Variants in CPT2 observed in about 807,000 individuals in gnomAD.
CPT2 encodes carnitine palmitoyltransferase 2.
In CPT2, 37 loss-of-function variants were observed where a neutral mutation model predicts 48.6. That is an observed-to-expected ratio of 0.76 (90% confidence interval 0.59 to 1.00). The LOEUF (loss-of-function observed/expected upper bound fraction) is 1.00. Among genes scored for constraint, CPT2 ranks in the 50% least tolerant of loss-of-function variants. The pLI is 0.00. For missense variants in CPT2, 772 were observed against 825.6 expected (o/e 0.94, Z 0.80); for synonymous variants, 319 against 326.9 (o/e 0.98, Z 0.26).
At chr1:53,199,739 T>G (rs767140348) in intron 1 of CPT2, 39 of 152,212 alleles carry the variant, frequency 2.6e-4, no homozygotes, top group Non-Finnish European at 2.5e-4. Flanking sequence ...CTTAGTGCAG[T>G]CTAAGTCCAT....
At chr1:53,197,193 C>A in intron 1 of CPT2, 98 bp downstream of exon 1, 1 of 1,431,514 alleles carries the variant, frequency 7.0e-7, no homozygotes, top group Non-Finnish European at 9.5e-7. Context: ...AACCCGTTTC[C>A]GCCCCCAAGC....
intron 2 of CPT2, chr1:53,202,067 C>A (rs1645357129): frequency 4.6e-6 from 2 of 437,658 alleles, no homozygotes; most frequent in East Asian, 4.8e-5. Context: ...TTTCTCCATG[C>A]CAAACTGCCT....
chr1:53,198,793 A>G (rs965197602), intron 1 of CPT2, among the ~76,000 whole-genome samples: 16 of 152,256 alleles, frequency 1.1e-4, no homozygotes, highest in African/African-American at 3.6e-4. Context: ...AAATAGTACC[A>G]CTAGTCACCT....
chr1:53,196,973 G>T lies in CPT2; in HGVS notation c.30G>T (p.Trp10Cys), dbSNP rs947016530. ...TGCCCCGCCTGCTGCTGCGCGCCTG[G>T]CCCCGGGGCCCCGCGGTTGGTCCGG... MVPRLLLRA[W>C]PRGPAVGPGA... is the part of the protein sequence containing the mutation. The change falls in exon 1 of 5, where the codon TGG becomes TGT. Residue 10 changes from tryptophan to cysteine, a missense_variant. Transcript: ENST00000371486. The T allele has an allele frequency of 3.9e-6, 6 of 1,527,666 alleles. No homozygotes were observed. The highest frequency in any genetic ancestry group is 5.2e-6 in the Non-Finnish European group (6 of 1,144,076). The allele number at this position is 1,527,666 out of a possible 1,614,324, so 94.6% of individuals were successfully genotyped here.
intron 4 of CPT2, among the ~76,000 whole-genome samples, chr1:53,212,602 T>C (rs747289410): frequency 6.6e-6 from 1 of 152,256 alleles, no homozygotes; most frequent in Non-Finnish European, 1.5e-5. Context: ...GTCTGCTCTC[T>C]GTAAACAGGT....
intron 3 of CPT2, among the ~76,000 whole-genome samples, chr1:53,206,182 C>CAAA (rs951448638): frequency 5.1e-5 from 3 of 58,910 alleles, no homozygotes; most frequent in Non-Finnish European, 7.3e-5. Context: ...GACTCCATTT[C>CAAA]AAAAAAAAAA....
chr1:53,210,897 C>G lies in CPT2; in HGVS notation c.1223C>G (p.Ser408Cys), dbSNP rs771811692. The G allele has an allele frequency of 6.2e-7, 1 of 1,614,232 alleles. No individual in the cohort carries two copies. Among genetic ancestry groups the G allele is most frequent in the Non-Finnish European group, 8.5e-7 (1 of 1,180,044 alleles). Reference sequence around the variant, plus strand: ...CAGAGCCAGCCAGCTACCACTGACTCTACTGTCACGGTGCAGAAACTCAAC... The same window carrying G: ...CAGAGCCAGCCAGCTACCACTGACTGTACTGTCACGGTGCAGAAACTCAAC... ...TPQSQPATTD[S>C]TVTVQKLNFE... The change falls in exon 4 of 5, where the codon TCT becomes TGT. Residue 408 changes from serine to cysteine, a missense_variant. Ser to Cys is a moderately radical substitution (Grantham distance 112). Coordinates refer to ENST00000371486, the MANE Select transcript of CPT2 (RefSeq NM_000098.3).
chr1:53,196,857 T>C lies in CPT2; in HGVS notation c.-87T>C. 2.0e-6 allele frequency: 3 copies of C among 1,495,728 alleles called. No individual in the cohort carries two copies. In the East Asian group the frequency reaches 7.6e-5, roughly 38 times the overall value. The allele number at this position is 1,495,728 out of a possible 1,614,324, so 92.7% of individuals were successfully genotyped here. The stretch of plus-strand genomic sequence containing the variant: ...GCCTCAGGAGTCCTGACGCAGTGTC[T>C]TGGGCGCTAACGGCGGCGGCGGCCT... On this transcript the variant is annotated 5_prime_UTR_variant, in exon 1 of 5. Transcript: ENST00000371486.
chr1:53,210,366 G>A lies in CPT2; in HGVS notation c.692G>A (p.Arg231Gln), dbSNP rs369369333. ...FNSTRLPKPS[R>Q]DELFTDDKAR... ...TCAACTCGTTTACCCAAACCCAGTC[G>A]GGATGAACTCTTCACTGATGACAAG... The change falls in exon 4 of 5, where the codon CGG becomes CAG. Residue 231 changes from arginine (R) to glutamine (Q), a missense_variant. Coordinates refer to ENST00000371486, the MANE Select transcript of CPT2 (RefSeq NM_000098.3). 109 of 1,614,070 alleles carry A rather than the reference G, an allele frequency of 6.8e-5. No individual in the cohort carries two copies. In the South Asian group the frequency reaches 9.9e-4, roughly 15 times the overall value.
At chr1:53,200,546 AC>A (rs1645348096) in intron 1 of CPT2, 172 bp from the exon 2 acceptor site, 4 of 623,644 alleles carry the variant, frequency 6.4e-6, no homozygotes, top group African/African-American at 1.8e-5. Flanking sequence ...AAGTAGAGTT[AC>A]CATTGATATA....
Position 53,210,422 on chromosome 1 carries a change from A to G in CPT2, c.748A>G (p.Asn250Asp). The change falls in exon 4 of 5, where the codon AAT becomes GAT. Residue 250 changes from asparagine to aspartate, a missense_variant. Physicochemically the swap from Asn to Asp is conservative, Grantham distance 23 (BLOSUM62 1). Transcript: ENST00000371486. ...ARHLLVLRKGNFYIFDVLDQD... is the reference protein window; with the variant it reads ...ARHLLVLRKGDFYIFDVLDQD... ...ACACCTCCTGGTCCTAAGGAAAGGA[A>G]ATTTTTATATCTTTGATGTCCTGGA... 1 of 1,614,108 alleles carries G rather than the reference A, an allele frequency of 6.2e-7. No individual in the cohort carries two copies. Among genetic ancestry groups the G allele is most frequent in the South Asian group, 1.1e-5 (1 of 91,078 alleles).
Position 53,211,387 on chromosome 1 carries a change from A to G in CPT2, c.1645+68A>G. 2.1e-6 allele frequency: 3 copies of G among 1,418,280 alleles called. No individual in the cohort carries two copies. In the East Asian group the frequency reaches 7.5e-5, roughly 35 times the overall value. The allele number at this position is 1,418,280 out of a possible 1,614,324, so 87.9% of individuals were successfully genotyped here. On this transcript the variant is annotated intron_variant, in intron 4 of 4. Transcript: ENST00000371486. ...GTGCTTGGGTAAGCAAGCCTAAATC[A>G]TTCTACTCCAAATCTGATTTCTACC...
chr1:53,209,739 G>C (rs1200959153), intron 3 of CPT2: 2 of 426,046 alleles, frequency 4.7e-6, no homozygotes, highest in Non-Finnish European at 8.6e-6. Flanking sequence ...TTGCAGCACT[G>C]TTCTCCAGCC....
rs1021034542 is a variant in CPT2, at chr1:53,197,154, G to A, written c.152+59G>A. 1.8e-5 allele frequency: 28 copies of A among 1,530,908 alleles called. No individual in the cohort carries two copies. The African/African-American group carries it at 3.8e-4, about 21-fold the overall frequency. 94.8% of individuals were successfully genotyped at this position (1,530,908 alleles called of 1,614,324 possible). A position where few individuals can be genotyped will look rare whatever the true frequency, so the allele number is the denominator to read the frequency against. On this transcript the variant is annotated intron_variant, in intron 1 of 4. Transcript: ENST00000371486. ...GCCGTCCCAGGATCGGCCCCAACCT[G>A]ACTGCAGTCACTCATGACTCCTCTA...
chr1:53,213,278 C>A lies in CPT2; in HGVS notation c.1660C>A (p.Arg554=). The part of the protein sequence containing the change: ...KEAAMGQGFD[R]HLFALRHLAA... ...GTTTCTCACAGGCCAGGGCTTTGAC[C>A]GACACTTGTTTGCTCTGCGGCATCT... The change falls in exon 5 of 5, where the codon CGA becomes AGA. Residue 554 remains arginine (R), a synonymous_variant. Transcript: ENST00000371486. The A allele has an allele frequency of 6.2e-7, 1 of 1,614,142 alleles. No individual in the cohort carries two copies. Among genetic ancestry groups the A allele is most frequent in the Non-Finnish European group, 8.5e-7 (1 of 1,180,038 alleles).
chr1:53,196,910 TGCCGCGTTCTCGCC>T lies in CPT2; in HGVS notation c.-28_-15del, dbSNP rs1557711912. The T allele has an allele frequency of 6.5e-7, 1 of 1,537,084 alleles. No individual in the cohort carries two copies. Among genetic ancestry groups the T allele is most frequent in the Admixed American group, 1.9e-5 (1 of 53,508 alleles). Reference sequence around the variant, plus strand: ...TGTTTAGACTCCAGAACTCCCCACTTGCCGCGTTCTCGCCGCCGCAGGCTCCCGGGACGATGGTG... The same window carrying T: ...TGTTTAGACTCCAGAACTCCCCACTTGCCGCAGGCTCCCGGGACGATGGTG... On this transcript the variant is annotated 5_prime_UTR_variant, in exon 1 of 5. Coordinates refer to ENST00000371486, the MANE Select transcript of CPT2 (RefSeq NM_000098.3).
chr1:53,203,303 C>T (rs1645365695), intron 3 of CPT2: 1 of 152,172 alleles, frequency 6.6e-6, no homozygotes, highest in African/African-American at 2.4e-5. Flanking sequence ...CACATACTTC[C>T]TATCCCCTTA....
chr1:53,205,978 C>T lies in CPT2; in HGVS notation c.340+3549C>T, dbSNP rs564566657. 3.7e-4 allele frequency among the ~76,000 whole-genome samples: 57 copies of T among 152,208 alleles called. No individual in the cohort carries two copies. The East Asian group carries it at 0.01, about 27-fold the overall frequency. ...CGGGTGGATCACAAGGTCAGGAGAT[C>T]GAGACCATCCTGGCTAACATGGTGA... is the stretch of plus-strand genomic sequence containing the variant. On this transcript the variant is annotated intron_variant, in intron 3 of 4. Transcript: ENST00000371486.
intron 3 of CPT2, chr1:53,204,361 C>T (rs1252913152): frequency 6.6e-6 from 1 of 152,010 alleles, no homozygotes; most frequent in Non-Finnish European, 1.5e-5. Flanking sequence ...AAAACTCCTG[C>T]TTTCCTATTT....
Sources: gnomAD v4.1 joint callset for allele counts (sites outside exome capture counted in the v4.1 genomes callset) on GRCh38, gnomAD v4.1.1 for gene constraint, MANE v1.5 for transcripts, NCBI Gene and HGNC (gene_info 2026-07-23, HGNC 2026-07-21) for gene names.